PAX5: variants seen among roughly 807,000 people sequenced by gnomAD.
The protein encoded by PAX5 is paired box 5, also known as paired box protein Pax-5.
PAX5 carries 9 observed loss-of-function variants against 43.7 expected under a neutral mutation model. The observed-to-expected ratio is 0.21, with a 90% CI of 0.12 to 0.36. The LOEUF (loss-of-function observed/expected upper bound fraction) is 0.36, where lower values mean the gene tolerates loss of function less well. PAX5 is among the 10% of genes least tolerant of loss of function. The probability of loss-of-function intolerance (pLI) is 1.00; values close to 1 mark genes in which losing one functional copy is unlikely to be tolerated. For synonymous variants in PAX5, 228 were observed against 214.3 expected (o/e 1.06, Z -0.56); for missense variants, 383 against 532.7 (o/e 0.72, Z 2.77).
Position 37,026,543 on chromosome 9 carries a change from T to G in PAX5, c.47-5742A>C, listed in dbSNP as rs746940336. Reference sequence around the variant, plus strand: ...TCGCCGCCTACTTACTATGCATGGATGCAAACGGGTCGTGCTTACAGTGTA... The same window carrying G: ...TCGCCGCCTACTTACTATGCATGGAGGCAAACGGGTCGTGCTTACAGTGTA... On this transcript the variant is annotated intron_variant, in intron 1 of 9. Transcript: ENST00000358127. The G allele has an allele frequency of 5.3e-6, 7 of 1,331,978 alleles. No individual in the cohort carries two copies. The South Asian group carries it at 8.6e-5, about 16-fold the overall frequency. The allele number at this position is 1,331,978 out of a possible 1,614,324, so 82.5% of individuals were successfully genotyped here. A position where few individuals can be genotyped will look rare whatever the true frequency, so the allele number is the denominator to read the frequency against.
At chr9:36,922,477 G>T (rs148522964) in intron 7 of PAX5, among the ~76,000 whole-genome samples, 1 of 152,136 alleles carries the variant, frequency 6.6e-6, no homozygotes, top group Non-Finnish European at 1.5e-5. Flanking sequence ...ACATGGAGTC[G>T]GCTCCACGTT....
intron 6 of PAX5, among the ~76,000 whole-genome samples, chr9:36,953,426 C>G (rs1350249809): frequency 6.6e-6 from 1 of 152,050 alleles, no homozygotes; most frequent in South Asian, 2.1e-4. Flanking sequence ...CTTCTTCATT[C>G]TCTCTTCTCC....
chr9:37,027,220 G>C (rs1840480333), intron 1 of PAX5, among the ~76,000 whole-genome samples: 1 of 152,342 alleles, frequency 6.6e-6, no homozygotes, highest in African/African-American at 2.4e-5. Flanking sequence ...GTCCTGGCGG[G>C]TTTGGAGATG....
At chr9:36,860,124 G>A (rs1160053790) in intron 8 of PAX5, among the ~76,000 whole-genome samples, 1 of 151,944 alleles carries the variant, frequency 6.6e-6, no homozygotes, top group Non-Finnish European at 1.5e-5. Flanking sequence ...AGATCACGAG[G>A]TCAGGAGTTC....
At position 36,883,011 on chromosome 9, in the gene PAX5, T is replaced by C. The variant is rs534703306; in HGVS notation, c.911-906A>G. Among the ~76,000 whole-genome samples, 3 of 152,250 alleles carry C rather than the reference T, an allele frequency of 2.0e-5. No homozygotes were observed. The East Asian group carries it at 5.8e-4, about 29-fold the overall frequency. On this transcript the variant is annotated intron_variant, in intron 7 of 9. Transcript: ENST00000358127. ...GCTGCCAAACCTGCCTCCTGAAAGA[T>C]GGGGGGCATTAGCCCAGTAGGAGGC... is the stretch of plus-strand genomic sequence containing the variant.
chr9:36,984,258 G>A (rs1432837231), intron 5 of PAX5, among the ~76,000 whole-genome samples: 1 of 152,068 alleles, frequency 6.6e-6, no homozygotes, highest in African/African-American at 2.4e-5. Context: ...CAAGGCAGGT[G>A]GGACTAAGAC....
At chr9:36,868,480 G>A (rs560591125) in intron 8 of PAX5, among the ~76,000 whole-genome samples, 1 of 152,304 alleles carries the variant, frequency 6.6e-6, no homozygotes, top group East Asian at 1.9e-4. Context: ...GCGGTGGGGG[G>A]CTTCCTGTAA....
intron 5 of PAX5, 42 bp downstream of exon 5, chr9:37,002,606 C>G (rs745887569): frequency 5.0e-6 from 8 of 1,588,766 alleles, no homozygotes; most frequent in Non-Finnish European, 6.0e-6. Flanking sequence ...AAACAGACCC[C>G]GTGGAGCGCA....
chr9:36,869,954 G>A (rs4880024), intron 8 of PAX5, among the ~76,000 whole-genome samples: 15,844 of 60,970 alleles, frequency 0.26, 4,082 homozygotes, highest in Non-Finnish European at 0.48. Flanking sequence ...ATGGATGGAT[G>A]GATGGATAAA....
chr9:36,918,296 A>G (rs1829873313), intron 7 of PAX5, among the ~76,000 whole-genome samples: 1 of 152,236 alleles, frequency 6.6e-6, no homozygotes, highest in Non-Finnish European at 1.5e-5. Context: ...GGAAATTAAA[A>G]GTGCCATTCC....
In PAX5 at chr9:36,923,377, C is replaced by A; in HGVS notation, c.888G>T (p.Pro296=). The A allele has an allele frequency of 2.5e-6, 4 of 1,612,864 alleles. No individual in the cohort carries two copies. Among genetic ancestry groups the A allele is most frequent in the Non-Finnish European group, 2.5e-6 (3 of 1,179,896 alleles). ...PADIGSSVPG[P]QSYPIVTGRD... is the part of the protein sequence containing the mutation. ...CACCTGTCACAATGGGGTAGGACTG[C>A]GGGCCTGGCACACTGCTCCCGATGT... Residue 296 remains proline, a synonymous_variant, in exon 7 of 10, where the codon CCG becomes CCT. Transcript: ENST00000358127.
chr9:36,930,126 C>T (rs1367008124), intron 6 of PAX5, among the ~76,000 whole-genome samples: 1 of 151,916 alleles, frequency 6.6e-6, no homozygotes, highest in Non-Finnish European at 1.5e-5. Context: ...ACAGCTTGTC[C>T]TCTGAAATAT....
chr9:36,853,044 G>A (rs1823316151), intron 8 of PAX5, among the ~76,000 whole-genome samples: 1 of 152,180 alleles, frequency 6.6e-6, no homozygotes, highest in Non-Finnish European at 1.5e-5. Context: ...CACCTATGTA[G>A]CCACCTCCTA....
chr9:36,881,971 C>T (rs2131761460), intron 8 of PAX5, 33 bp downstream of exon 8: 1 of 1,533,588 alleles, frequency 6.5e-7, no homozygotes, highest in Non-Finnish European at 8.9e-7. Context: ...CCGTCCGCTG[C>T]CTGCTGTGGA....
chr9:36,922,216 T>G lies in PAX5; in HGVS notation c.910+1139A>C, dbSNP rs568520837. 2.2e-4 allele frequency among the ~76,000 whole-genome samples: 33 copies of G among 152,282 alleles called. 1 individual carries two copies. The South Asian group carries it at 6.6e-3, about 31-fold the overall frequency. ...CTTTGGCCTAAGTGACCCCCTCCAC[T>G]GTTCTAATCCGAGTCTAACCCAGCT... On this transcript the variant is annotated intron_variant, in intron 7 of 9. Transcript: ENST00000358127.
At chr9:36,972,614 T>A (rs1835011956) in intron 5 of PAX5, among the ~76,000 whole-genome samples, 1 of 152,178 alleles carries the variant, frequency 6.6e-6, no homozygotes, top group African/African-American at 2.4e-5. Flanking sequence ...TCCTCTTGAA[T>A]GAGCACTCCT....
chr9:36,890,597 T>C (rs1827294940), intron 7 of PAX5, among the ~76,000 whole-genome samples: 1 of 152,158 alleles, frequency 6.6e-6, no homozygotes, highest in South Asian at 2.1e-4. Flanking sequence ...AGATGGCCTC[T>C]GAGGGTTTTT....
At chr9:37,001,827 T>TCC (rs1554681206) in intron 5 of PAX5, among the ~76,000 whole-genome samples, 2 of 132,952 alleles carry the variant, frequency 1.5e-5, no homozygotes, top group Non-Finnish European at 3.2e-5. Context: ...TTTTTTTTTT[T>TCC]TTTTTTTCTT....
intron 5 of PAX5, among the ~76,000 whole-genome samples, chr9:36,986,697 G>T (rs957606691): frequency 6.6e-6 from 1 of 152,086 alleles, no homozygotes; most frequent in African/African-American, 2.4e-5. Context: ...CTAGGCCCAC[G>T]GGGCGCCCGG....
Sources: allele counts gnomAD v4.1 joint callset (sites outside exome capture counted in the v4.1 genomes callset), GRCh38; gene constraint gnomAD v4.1.1; transcripts MANE v1.5; gene names NCBI Gene and HGNC (gene_info 2026-07-23, HGNC 2026-07-21).